Variants in THRAP3 observed in about 807,000 individuals in gnomAD.
THRAP3 encodes thyroid hormone receptor associated protein 3, also known as thyroid hormone receptor-associated protein 3.
THRAP3 carries 16 observed loss-of-function variants against 101.0 expected under a neutral mutation model. The observed-to-expected ratio is 0.16, with a 90% confidence interval of 0.11 to 0.24. THRAP3 has a LOEUF of 0.24. THRAP3 is among the 10% of genes least tolerant of loss of function. The pLI, the probability that THRAP3 is intolerant of heterozygous loss-of-function variation, is 1.00. For synonymous variants in THRAP3, 407 were observed against 422.6 expected (o/e 0.96, Z 0.45); for missense variants, 989 against 1,202.7 (o/e 0.82, Z 2.63).
At chr1:36,296,055 C>A (rs973339639) in intron 8 of THRAP3, among the ~76,000 whole-genome samples, 2 of 141,612 alleles carry the variant, frequency 1.4e-5, no homozygotes, top group Non-Finnish European at 3.0e-5. Flanking sequence ...CTCACTGCAA[C>A]CTCCACCTCC....
In THRAP3 at chr1:36,253,760, A is replaced by ATTTTTTTTTTTTTTTTTTTTTTT. The variant is rs58306701; in HGVS notation, c.-134-5603_-134-5602insTTTTTTTTTTTTTTTTTTTTTTT. Among the ~76,000 whole-genome samples the ATTTTTTTTTTTTTTTTTTTTTTT allele has an allele frequency of 1.1e-3, 110 of 100,176 alleles. 2 individuals carry two copies. Among genetic ancestry groups the ATTTTTTTTTTTTTTTTTTTTTTT allele is most frequent in the East Asian group, 7.2e-3 (24 of 3,316 alleles). The allele number at this position is 100,176 out of a possible 152,430, so 65.7% of individuals were successfully genotyped here. On this transcript the variant is annotated intron_variant, in intron 1 of 11. Transcript: ENST00000354618. ...AGGCGTACACCATTGAGTCAGGCTA[A>ATTTTTTTTTTTTTTTTTTTTTTT]TTTTTTTTTTTTTTTTTTTAGTTTT...
At chr1:36,254,802 TAAAACAGA>T (rs1188874006) in intron 1 of THRAP3, among the ~76,000 whole-genome samples, 2 of 152,222 alleles carry the variant, frequency 1.3e-5, no homozygotes, top group East Asian at 3.8e-4. Flanking sequence ...AAAAATTTTT[TAAAACAGA>T]AACCATTCTT....
Position 36,304,463 on chromosome 1 carries a change from T to G in THRAP3, c.*446T>G. The G allele has an allele frequency of 1.3e-5, 3 of 225,476 alleles. No individual in the cohort carries two copies. The highest frequency in any genetic ancestry group is 6.4e-5 in the East Asian group (1 of 15,714). The allele number at this position is 225,476 out of a possible 1,614,324, so 14.0% of individuals were successfully genotyped here. The stretch of plus-strand genomic sequence containing the variant: ...GCCCCCTCCTTTTTTTTTTTTTTTT[T>G]CTTTTTTTAGGCATATGTAGTAATA... On this transcript the variant is annotated 3_prime_UTR_variant, in exon 12 of 12. Transcript: ENST00000354618.
intron 1 of THRAP3, among the ~76,000 whole-genome samples, chr1:36,228,979 G>A (rs916852715): frequency 2.0e-5 from 3 of 152,116 alleles, no homozygotes; most frequent in South Asian, 2.1e-4. Context: ...CAGCCTGGGC[G>A]ACAGAGCCAG....
At chr1:36,235,966 G>T (rs570526608) in intron 1 of THRAP3, among the ~76,000 whole-genome samples, 1 of 151,768 alleles carries the variant, frequency 6.6e-6, no homozygotes, top group South Asian at 2.1e-4. Context: ...CCTTTATGTC[G>T]GACTGGGCGT....
Position 36,255,195 on chromosome 1 carries a change from T to C in THRAP3, c.-134-4187T>C, listed in dbSNP as rs146402920. 1.6e-3 allele frequency among the ~76,000 whole-genome samples: 242 copies of C among 152,332 alleles called. 1 individual carries two copies. The highest frequency in any genetic ancestry group is 5.7e-3 in the African/African-American group (235 of 41,586). ...TTTTCGCTTTTAATTGCTATCATCA[T>C]GCTTTTGAAACAAGAACACATTAGT... On this transcript the variant is annotated intron_variant, in intron 1 of 11. Transcript: ENST00000354618.
intron 1 of THRAP3, 94 bp downstream of exon 1, chr1:36,224,599 C>A (rs896663362): frequency 3.9e-5 from 6 of 152,596 alleles, no homozygotes; most frequent in Admixed American, 2.0e-4. Context: ...GTCAGGGGCT[C>A]GGGGAAGGCC....
intron 1 of THRAP3, among the ~76,000 whole-genome samples, chr1:36,229,776 C>G (rs1437548122): frequency 6.6e-6 from 1 of 151,892 alleles, no homozygotes; most frequent in African/African-American, 2.4e-5. Flanking sequence ...CCTCAGCCTC[C>G]CGAGAAGCTG....
intron 3 of THRAP3, among the ~76,000 whole-genome samples, chr1:36,285,072 A>T (rs945629991): frequency 5.3e-5 from 8 of 152,208 alleles, no homozygotes; most frequent in Admixed American, 2.0e-4. Context: ...TTATCTTTAG[A>T]TTAAATTGAA....
chr1:36,226,067 C>A (rs1223811298), intron 1 of THRAP3, among the ~76,000 whole-genome samples: 3 of 150,906 alleles, frequency 2.0e-5, no homozygotes, highest in Admixed American at 2.0e-4. Context: ...GTAGTAGTAC[C>A]ACCTTAGTGT....
intron 1 of THRAP3, among the ~76,000 whole-genome samples, chr1:36,257,106 G>C (rs1331497208): frequency 6.6e-6 from 1 of 152,106 alleles, no homozygotes; most frequent in Non-Finnish European, 1.5e-5. Context: ...CAACATTGCA[G>C]ACATTCTTAT....
the THRAP3 span, among the ~76,000 whole-genome samples, chr1:36,210,559 C>T: frequency 2.8e-5 from 4 of 141,884 alleles, no homozygotes; most frequent in South Asian, 2.3e-4. Flanking sequence ...GATGTGGTGT[C>T]GTGCGCCTGT....
upstream of THRAP3, among the ~76,000 whole-genome samples, chr1:36,219,532 C>T (rs1462795656): frequency 6.6e-6 from 1 of 152,058 alleles, no homozygotes; most frequent in Non-Finnish European, 1.5e-5. Flanking sequence ...TCAAGCGATT[C>T]TCCTGCCTCA....
intron 1 of THRAP3, among the ~76,000 whole-genome samples, chr1:36,230,410 G>T (rs1027453439): frequency 6.6e-6 from 1 of 151,980 alleles, no homozygotes; most frequent in East Asian, 1.9e-4. Context: ...GAGCCACCGC[G>T]CCCAGCCCTG....
rs147291328 is a variant in THRAP3, at chr1:36,281,196, C to T, written c.-31-1337C>T. On this transcript the variant is annotated intron_variant, in intron 2 of 11. Transcript: ENST00000354618. Reference sequence around the variant, plus strand: ...TGCTGGGATTACAGGCGTGAGCCACCGCCCCCAGCTGACTCTTTTGTAATA... The same window carrying T: ...TGCTGGGATTACAGGCGTGAGCCACTGCCCCCAGCTGACTCTTTTGTAATA... 5.6e-3 allele frequency among the ~76,000 whole-genome samples: 857 copies of T among 152,144 alleles called. 9 individuals carry two copies. Among genetic ancestry groups the T allele is most frequent in the African/African-American group, 0.019 (797 of 41,490 alleles).
chr1:36,258,551 C>T (rs113297436), intron 1 of THRAP3, among the ~76,000 whole-genome samples: 2,139 of 152,250 alleles, frequency 0.014, 55 homozygotes, highest in African/African-American at 0.047. Context: ...TCTCGGCTCA[C>T]CGCAAGCTCC....
chr1:36,221,761 T>G (rs903196176), upstream of THRAP3, among the ~76,000 whole-genome samples: 1 of 151,384 alleles, frequency 6.6e-6, no homozygotes, highest in Non-Finnish European at 1.5e-5. Context: ...TTCTTTTGTA[T>G]TTTTAGTAGC....
chr1:36,301,511 T>C (rs1646030094), intron 10 of THRAP3, 42 bp from the exon 11 acceptor site: 1 of 1,599,656 alleles, frequency 6.3e-7, no homozygotes, highest in Non-Finnish European at 8.5e-7. Flanking sequence ...TCCCCATTCC[T>C]GGCATGATCC....
chr1:36,291,351 G>T, intron 5 of THRAP3, 23 bp from the exon 6 acceptor site: 1 of 1,609,410 alleles, frequency 6.2e-7, no homozygotes, highest in Non-Finnish European at 8.5e-7. Flanking sequence ...TTCTAATTGG[G>T]CCTCCCCATA....
Sources: allele counts gnomAD v4.1 joint callset (sites outside exome capture counted in the v4.1 genomes callset), GRCh38; gene constraint gnomAD v4.1.1; transcripts MANE v1.5; gene names NCBI Gene and HGNC (gene_info 2026-07-23, HGNC 2026-07-21).